VRK2: variants seen among roughly 807,000 people sequenced by gnomAD.
VRK2 encodes the protein serine/threonine-protein kinase VRK2.
Under a neutral mutation model 57.6 loss-of-function variants are expected in VRK2, and 60 were observed. That is an observed-to-expected ratio of 1.04 (90% CI 0.85 to 1.29). The LOEUF is 1.29. Ranked by LOEUF, VRK2 falls within the 50% of genes most tolerant of loss-of-function variation. VRK2 has a pLI of 0.00. For missense variants in VRK2, 705 were observed against 588.1 expected (o/e 1.20, Z -2.06); for synonymous variants, 231 against 199.2 (o/e 1.16, Z -1.35).
intron 2 of VRK2, among the ~76,000 whole-genome samples, chr2:58,068,204 A>G (rs1345275438): frequency 3.3e-5 from 5 of 152,200 alleles, no homozygotes; most frequent in Admixed American, 3.3e-4. Context: ...TGCTGGGATT[A>G]CAGGCTTTTG....
At chr2:57,924,751 G>T (rs537119095) in intron 1 of VRK2, among the ~76,000 whole-genome samples, 3 of 152,154 alleles carry the variant, frequency 2.0e-5, no homozygotes, top group South Asian at 4.1e-4. Context: ...TTGAATAACA[G>T]TGGTGCCAGT....
chr2:57,965,949 C>A (rs932613765), intron 1 of VRK2, among the ~76,000 whole-genome samples: 1 of 152,174 alleles, frequency 6.6e-6, no homozygotes, highest in Non-Finnish European at 1.5e-5. Context: ...CCAAGGCCTG[C>A]AATCTTTCAC....
intron 2 of VRK2, among the ~76,000 whole-genome samples, chr2:58,026,337 TGAGA>T (rs1189461376): frequency 2.0e-5 from 3 of 151,804 alleles, no homozygotes; most frequent in Admixed American, 6.6e-5. Context: ...AGTGAGGGAA[TGAGA>T]GAGGGAGACA....
At chr2:57,917,055 A>C (rs915954200) in intron 1 of VRK2, among the ~76,000 whole-genome samples, 2 of 152,208 alleles carry the variant, frequency 1.3e-5, no homozygotes, top group Admixed American at 6.5e-5. Flanking sequence ...ATGAATCATT[A>C]GGTTCTAATT....
intron 12 of VRK2, among the ~76,000 whole-genome samples, chr2:58,155,440 G>A (rs887690132): frequency 3.3e-5 from 5 of 152,080 alleles, no homozygotes; most frequent in African/African-American, 1.2e-4. Context: ...ATCTGCTTGT[G>A]TTAGTGCAGG....
At chr2:58,056,744 G>T (rs149135916) in intron 2 of VRK2, among the ~76,000 whole-genome samples, 32 of 152,248 alleles carry the variant, frequency 2.1e-4, no homozygotes, top group African/African-American at 7.7e-4. Context: ...TAGTGTGGTG[G>T]CATGTGATGC....
At chr2:57,949,836 T>A (rs1427760132) in intron 1 of VRK2, among the ~76,000 whole-genome samples, 1 of 152,156 alleles carries the variant, frequency 6.6e-6, no homozygotes, top group African/African-American at 2.4e-5. Flanking sequence ...TGAAATAAAT[T>A]TAAAAAGTAC....
chr2:58,000,502 T>A (rs545407747), intron 1 of VRK2, among the ~76,000 whole-genome samples: 1 of 152,338 alleles, frequency 6.6e-6, no homozygotes, highest in Non-Finnish European at 1.5e-5. Context: ...TATAACTAGA[T>A]CATTTTAATA....
chr2:58,156,252 G>A (rs1683825011), intron 12 of VRK2, among the ~76,000 whole-genome samples: 1 of 151,926 alleles, frequency 6.6e-6, no homozygotes, highest in Non-Finnish European at 1.5e-5. Flanking sequence ...TAAGAAGTTA[G>A]CAGTTATTCT....
intron 1 of VRK2, among the ~76,000 whole-genome samples, chr2:57,977,198 T>TTTTG (rs1161067889): frequency 6.6e-6 from 1 of 152,134 alleles, no homozygotes. Context: ...CTATTTAGGA[T>TTTTG]TTTGTTTGTT....
intron 1 of VRK2, among the ~76,000 whole-genome samples, chr2:57,956,517 T>G (rs1671590824): frequency 6.6e-6 from 1 of 152,194 alleles, no homozygotes; most frequent in African/African-American, 2.4e-5. Flanking sequence ...CTCTATCTGG[T>G]TCTCTAATTC....
At chr2:57,911,017 G>C (rs907122649) in intron 1 of VRK2, among the ~76,000 whole-genome samples, 1 of 149,920 alleles carries the variant, frequency 6.7e-6, no homozygotes, top group Admixed American at 6.6e-5. Context: ...ACAGACTTGA[G>C]TTCTCTAGGG....
chr2:58,034,373 C>T (rs1449676179), intron 3 of VRK2, among the ~76,000 whole-genome samples: 4 of 152,008 alleles, frequency 2.6e-5, no homozygotes, highest in East Asian at 1.9e-4. Context: ...TGCCCGCTAC[C>T]GATTCCTCAT....
In VRK2 at chr2:58,146,341, A is replaced by T. The variant is rs1479634236; in HGVS notation, c.1049A>T (p.Lys350Met). The T allele has an allele frequency of 1.1e-5, 17 of 1,610,838 alleles. No homozygotes were observed. Among genetic ancestry groups the T allele is most frequent in the Middle Eastern group, 1.7e-4 (1 of 6,040 alleles). Residue 350 changes from lysine to methionine, a missense_variant, in exon 12 of 13, where the codon AAG (lysine) becomes ATG (methionine). Lys to Met is a moderately conservative substitution (Grantham distance 95). Coordinates refer to ENST00000340157, the MANE Select transcript of VRK2 (RefSeq NM_006296.7). ...GTTGATTCACAAAAGGCTGCAACAA[A>T]GCAAGTCAACAAGGCACACAATAGG... Reference protein sequence around the residue: ...QKVDSQKAATKQVNKAHNRLI... With the variant: ...QKVDSQKAATMQVNKAHNRLI...
intron 2 of VRK2, chr2:58,028,443 G>A (rs897346945): frequency 1.1e-4 from 16 of 152,176 alleles, no homozygotes; most frequent in African/African-American, 3.6e-4. Flanking sequence ...TGTCTTTATA[G>A]CACCATGATT....
At chr2:57,965,673 T>C (rs1038378789) in intron 1 of VRK2, among the ~76,000 whole-genome samples, 5 of 152,192 alleles carry the variant, frequency 3.3e-5, no homozygotes, top group African/African-American at 9.7e-5. Context: ...GTATTTCTGA[T>C]TTAGACATGA....
intron 2 of VRK2, among the ~76,000 whole-genome samples, chr2:58,056,696 T>G (rs546356629): frequency 6.6e-6 from 1 of 152,276 alleles, no homozygotes; most frequent in South Asian, 2.1e-4. Context: ...ACTGGTTAAT[T>G]GGTACACTGG....
Position 57,936,463 on chromosome 2 carries a change from T to A in VRK2, c.-439+28624T>A, listed in dbSNP as rs150172810. On this transcript the variant is annotated intron_variant, in intron 1 of 15. Transcript: ENST00000417641. ...GCAATAGAGAATTCCACATTAGTGA[T>A]GCAAAATTAAATAATTTACTTTTAC... Among the ~76,000 whole-genome samples, 361 of 152,162 alleles carry A rather than the reference T, an allele frequency of 2.4e-3. 1 individual carries two copies. Among genetic ancestry groups the A allele is most frequent in the African/African-American group, 7.0e-3 (290 of 41,554 alleles).
chr2:58,134,380 G>A (rs1679661085), intron 9 of VRK2, among the ~76,000 whole-genome samples: 1 of 152,082 alleles, frequency 6.6e-6, no homozygotes, highest in Non-Finnish European at 1.5e-5. Flanking sequence ...GGGAGGCCGA[G>A]GCGGGTGGAT....
Sources: allele counts gnomAD v4.1 joint callset (sites outside exome capture counted in the v4.1 genomes callset), GRCh38; gene constraint gnomAD v4.1.1; transcripts MANE v1.5; gene names NCBI Gene and HGNC (gene_info 2026-07-23, HGNC 2026-07-21).